ARAP2: variants seen among roughly 807,000 people sequenced by gnomAD.
The protein encoded by ARAP2 is ArfGAP with RhoGAP domain, ankyrin repeat and PH domain 2.
In ARAP2, 148 loss-of-function variants were observed where a neutral mutation model predicts 194.5. The ratio of observed to expected loss-of-function variants is 0.76; its 90% CI spans 0.67 to 0.87. ARAP2 has a LOEUF of 0.87. Among genes scored for constraint, ARAP2 ranks in the 40% least tolerant of loss-of-function variants. ARAP2 has a pLI of 0.00. For synonymous variants in ARAP2, 695 were observed against 683.5 expected, an observed-to-expected ratio of 1.02 and a Z score of -0.26; for missense variants, 2,128 against 1,989.7, an observed-to-expected ratio of 1.07 and a Z score of -1.32.
intron 1 of ARAP2, chr4:36,243,558 G>A (rs1411429110): frequency 6.6e-6 from 1 of 152,004 alleles, no homozygotes; most frequent in African/African-American, 2.4e-5. Context: ...ATCACCTCAA[G>A]GTAGGAGGTG....
intron 5 of ARAP2, among the ~76,000 whole-genome samples, chr4:36,032,263 C>T (rs1719108060): frequency 6.6e-6 from 1 of 152,124 alleles, no homozygotes; most frequent in African/African-American, 2.4e-5. Context: ...AGAAATTGAT[C>T]AGATGTCAAG....
chr4:36,212,567 T>C, intron 4 of ARAP2, 80 bp from the exon 5 acceptor site: 1 of 889,042 alleles, frequency 1.1e-6, no homozygotes, highest in Middle Eastern at 2.5e-4. Flanking sequence ...TGTAGCAATA[T>C]TCTACAAAAA....
chr4:36,050,818 T>C (rs1722538655), intron 3 of ARAP2, among the ~76,000 whole-genome samples: 1 of 152,222 alleles, frequency 6.6e-6, no homozygotes, highest in African/African-American at 2.4e-5. Context: ...GCATTATGTT[T>C]CTTTTGATGT....
chr4:36,237,192 C>A (rs1248009131), intron 1 of ARAP2, among the ~76,000 whole-genome samples: 4 of 152,208 alleles, frequency 2.6e-5, no homozygotes, highest in African/African-American at 9.6e-5. Context: ...GACTACAGTA[C>A]AGCTGATATA....
chr4:36,158,260 TAA>T (rs1330087801), intron 15 of ARAP2, among the ~76,000 whole-genome samples: 1 of 151,940 alleles, frequency 6.6e-6, no homozygotes, highest in East Asian at 1.9e-4. Context: ...AAACCAAGCT[TAA>T]GTTTTATTTT....
In ARAP2 at chr4:36,147,384, A is replaced by G. The variant is rs555530754; in HGVS notation, c.3200-25T>C. 28 of 1,611,076 alleles carry G rather than the reference A, an allele frequency of 1.7e-5. 1 individual carries two copies. The South Asian group carries it at 2.6e-4, about 15-fold the overall frequency. On this transcript the variant is annotated intron_variant, in intron 18 of 32. Coordinates refer to ENST00000303965, the MANE Select transcript of ARAP2 (RefSeq NM_015230.4). ...GCTGAAGGGAGAATGAAAAGCAAAA[A>G]TTTATTTTTTAAAACACTGTAATAA...
intron 15 of ARAP2, among the ~76,000 whole-genome samples, chr4:36,154,664 G>A (rs1731809298): frequency 6.6e-6 from 1 of 151,992 alleles, no homozygotes; most frequent in Admixed American, 6.5e-5. Context: ...TATAACCAGA[G>A]GCCAGAAAAA....
chr4:36,177,784 TAATAA>T (rs1738308211), intron 9 of ARAP2, 38 bp downstream of exon 9: 1 of 1,506,206 alleles, frequency 6.6e-7, no homozygotes, highest in Admixed American at 2.3e-5. Context: ...GTTGTTACTA[TAATAA>T]AATAGCAGCA....
chr4:36,027,727 G>A (rs766511265), intron 5 of ARAP2, among the ~76,000 whole-genome samples: 1 of 152,068 alleles, frequency 6.6e-6, no homozygotes, highest in Non-Finnish European at 1.5e-5. Flanking sequence ...ACACAGAGAG[G>A]TTAAGTGACT....
At chr4:36,176,214 TC>T (rs1450481564) in intron 9 of ARAP2, among the ~76,000 whole-genome samples, 2 of 121,462 alleles carry the variant, frequency 1.6e-5, no homozygotes, top group African/African-American at 3.0e-5. Flanking sequence ...TATTACTTAA[TC>T]CTCATTTTCC....
intron 25 of ARAP2, among the ~76,000 whole-genome samples, chr4:36,114,530 C>T (rs752876592): frequency 6.6e-6 from 1 of 151,984 alleles, no homozygotes; most frequent in African/African-American, 2.4e-5. Flanking sequence ...TCTTACTGAG[C>T]AATTAGACCA....
chr4:36,142,095 T>C (rs942007323), intron 19 of ARAP2, among the ~76,000 whole-genome samples: 14 of 151,700 alleles, frequency 9.2e-5, no homozygotes, highest in Non-Finnish European at 1.6e-4. Flanking sequence ...CTATCATTCA[T>C]AGCATCACCC....
At chr4:36,023,848 A>G (rs1279645738) in intron 5 of ARAP2, among the ~76,000 whole-genome samples, 3 of 152,202 alleles carry the variant, frequency 2.0e-5, no homozygotes, top group Non-Finnish European at 2.9e-5. Context: ...AAGAGTGCAC[A>G]TTAAAATAAA....
intron 6 of ARAP2, among the ~76,000 whole-genome samples, chr4:36,197,255 C>T (rs1743312439): frequency 6.6e-6 from 1 of 152,112 alleles, no homozygotes; most frequent in African/African-American, 2.4e-5. Context: ...TCCTTGAGTA[C>T]AGAATCCATT....
chr4:36,129,715 C>T (rs972250818), intron 20 of ARAP2, among the ~76,000 whole-genome samples: 1 of 151,784 alleles, frequency 6.6e-6, no homozygotes, highest in Non-Finnish European at 1.5e-5. Flanking sequence ...CTCTTCTCTT[C>T]CTGCCCACTG....
intron 2 of ARAP2, among the ~76,000 whole-genome samples, chr4:36,216,371 T>TA (rs1747942801): frequency 2.0e-5 from 3 of 152,204 alleles, no homozygotes; most frequent in Non-Finnish European, 4.4e-5. Context: ...GCTGTCGATA[T>TA]CAAGTGTTGG....
intron 26 of ARAP2, among the ~76,000 whole-genome samples, chr4:36,112,516 T>C (rs556424185): frequency 6.6e-6 from 1 of 152,062 alleles, no homozygotes; most frequent in African/African-American, 2.4e-5. Context: ...AGTTAATCTT[T>C]ACGCACAAAT....
chr4:36,108,319 C>T (rs186118438), intron 26 of ARAP2, among the ~76,000 whole-genome samples: 204 of 152,086 alleles, frequency 1.3e-3, no homozygotes, highest in Non-Finnish European at 2.1e-3. Flanking sequence ...AAATAATAAT[C>T]ATAAATTAAT....
intron 5 of ARAP2, among the ~76,000 whole-genome samples, chr4:36,027,707 C>T (rs1273990348): frequency 2.0e-5 from 3 of 152,076 alleles, no homozygotes; most frequent in Admixed American, 2.0e-4. Context: ...TAGTGTGGCA[C>T]AACATCATGA....
Sources: gnomAD v4.1 joint callset for allele counts (sites outside exome capture counted in the v4.1 genomes callset) on GRCh38, gnomAD v4.1.1 for gene constraint, MANE v1.5 for transcripts, NCBI Gene and HGNC (gene_info 2026-07-23, HGNC 2026-07-21) for gene names.